Variants in SPECC1L observed in about 807,000 individuals in gnomAD.
The protein encoded by SPECC1L is sperm antigen with calponin homology and coiled-coil domains 1 like.
SPECC1L carries 40 observed loss-of-function variants against 116.8 expected under a neutral mutation model. The observed-to-expected ratio is 0.34, with a 90% CI of 0.27 to 0.45. The LOEUF is 0.45. Among genes scored for constraint, SPECC1L ranks in the 20% least tolerant of loss-of-function variants. SPECC1L has a pLI of 1.00. For synonymous variants in SPECC1L, 504 were observed against 500.6 expected (o/e 1.01, Z -0.09); for missense variants, 1,110 against 1,373.6 (o/e 0.81, Z 3.03).
chr22:24,398,230 G>A (rs913360488), intron 14 of SPECC1L, among the ~76,000 whole-genome samples: 8 of 152,240 alleles, frequency 5.3e-5, no homozygotes, highest in East Asian at 3.8e-4. Context: ...AAAGAGCAGG[G>A]ATCGGGGGAG....
chr22:24,359,586 C>T (rs2041602961), intron 11 of SPECC1L, among the ~76,000 whole-genome samples: 2 of 152,030 alleles, frequency 1.3e-5, no homozygotes, highest in Non-Finnish European at 2.9e-5. Context: ...CCTTTGCCAA[C>T]TAGATAAAGT....
chr22:24,378,622 G>A (rs907344922), intron 14 of SPECC1L, among the ~76,000 whole-genome samples: 1 of 152,176 alleles, frequency 6.6e-6, no homozygotes, highest in Non-Finnish European at 1.5e-5. Context: ...AGAGGCCATT[G>A]TAGGGTTATT....
intron 2 of SPECC1L, among the ~76,000 whole-genome samples, chr22:24,281,250 C>T (rs1402531217): frequency 3.3e-5 from 5 of 152,040 alleles, no homozygotes; most frequent in Non-Finnish European, 7.4e-5. Context: ...AGTGAAATAC[C>T]AAGTGATGTA....
chr22:24,296,022 G>T (rs2049255182), intron 2 of SPECC1L, among the ~76,000 whole-genome samples: 6 of 152,220 alleles, frequency 3.9e-5, no homozygotes, highest in Non-Finnish European at 1.5e-5. Context: ...AGGTTGAGCT[G>T]TGTAGTTTTA....
At chr22:24,288,729 G>A (rs188859675) in intron 2 of SPECC1L, among the ~76,000 whole-genome samples, 186 of 141,950 alleles carry the variant, frequency 1.3e-3, no homozygotes, top group African/African-American at 4.0e-3. Flanking sequence ...GGGTTCAAGC[G>A]ATTCTCCTGC....
rs977240187 is a variant in SPECC1L, at chr22:24,311,037, G to C, written c.154-2276G>C. Among the ~76,000 whole-genome samples the C allele has an allele frequency of 2.6e-5, 4 of 152,218 alleles. No homozygotes were observed. In the East Asian group the frequency reaches 7.7e-4, roughly 29 times the overall value. On this transcript the variant is annotated intron_variant, in intron 3 of 16. Transcript: ENST00000314328. ...CTGGAAAACTCTTGTTTTCTCCCTT[G>C]CTGCCTTGGTTATAAATCAAGTGTC...
intron 4 of SPECC1L, among the ~76,000 whole-genome samples, chr22:24,317,138 AC>A (rs1210216971): frequency 1.4e-5 from 1 of 73,158 alleles, no homozygotes; most frequent in Non-Finnish European, 2.8e-5. Context: ...CGGGGGGCTG[AC>A]CCCCCTACCT....
chr22:24,302,259 T>G lies in SPECC1L; in HGVS notation c.28T>G (p.Ser10Ala). The change falls in exon 3 of 17, where the codon TCA becomes GCA. Residue 10 changes from serine (S) to alanine (A), a missense_variant. By Grantham distance (99) the Ser-to-Ala change is moderately conservative. Around this residue, in one of 4 missense-constraint regions of SPECC1L, gnomAD observed 437 missense variants for 482.6 expected, o/e 0.91. Coordinates refer to ENST00000314328, the MANE Select transcript of SPECC1L (RefSeq NM_015330.6). ...GAAGAAAGCAAGCAGGAGTGTTGGCTCAGTGCCTAAAGTGTCTGCAATAAG... is the reference window on the plus strand; with the variant it reads ...GAAGAAAGCAAGCAGGAGTGTTGGCGCAGTGCCTAAAGTGTCTGCAATAAG... MKKASRSVG[S>A]VPKVSAISKT... 6.2e-7 allele frequency: 1 copy of G among 1,614,082 alleles called. No homozygotes were observed. Among genetic ancestry groups the G allele is most frequent in the Non-Finnish European group, 8.5e-7 (1 of 1,180,016 alleles).
At chr22:24,382,173 A>G (rs1292971902) in intron 14 of SPECC1L, among the ~76,000 whole-genome samples, 1 of 152,238 alleles carries the variant, frequency 6.6e-6, no homozygotes, top group African/African-American at 2.4e-5. Context: ...AAGGCAGCCA[A>G]GTCAAATTTG....
intron 11 of SPECC1L, among the ~76,000 whole-genome samples, chr22:24,351,446 T>G (rs182619681): frequency 3.9e-5 from 6 of 152,324 alleles, no homozygotes; most frequent in Non-Finnish European, 8.8e-5. Flanking sequence ...CTGGCTCTTA[T>G]TTTATCATCT....
intron 1 of SPECC1L, among the ~76,000 whole-genome samples, chr22:24,274,066 T>C (rs2048784511): frequency 6.6e-6 from 1 of 152,176 alleles, no homozygotes; most frequent in Admixed American, 6.5e-5. Flanking sequence ...CCCCAGGAGA[T>C]TTTTTTGTGT....
chr22:24,294,703 C>A (rs143714488), intron 2 of SPECC1L, among the ~76,000 whole-genome samples: 6,055 of 151,878 alleles, frequency 0.04, 399 homozygotes, highest in African/African-American at 0.14. Flanking sequence ...TTTATATGCC[C>A]ATATATTTGA....
At chr22:24,386,898 C>G (rs1416400167) in intron 14 of SPECC1L, among the ~76,000 whole-genome samples, 2 of 152,170 alleles carry the variant, frequency 1.3e-5, no homozygotes, top group African/African-American at 4.8e-5. Flanking sequence ...GCCACTGCAC[C>G]TGGCCCTCAG....
At chr22:24,393,934 G>A (rs1324743327) in intron 14 of SPECC1L, among the ~76,000 whole-genome samples, 1 of 152,158 alleles carries the variant, frequency 6.6e-6, no homozygotes, top group African/African-American at 2.4e-5. Context: ...TAGAATCATA[G>A]TGTGTACAAT....
intron 11 of SPECC1L, among the ~76,000 whole-genome samples, chr22:24,347,674 C>T (rs1022189075): frequency 6.6e-6 from 1 of 151,940 alleles, no homozygotes; most frequent in Non-Finnish European, 1.5e-5. Flanking sequence ...TTGCTGTTTT[C>T]ACACAGCCAT....
chr22:24,274,546 A>G (rs1213896770), intron 1 of SPECC1L, among the ~76,000 whole-genome samples: 1 of 152,176 alleles, frequency 6.6e-6, no homozygotes, highest in South Asian at 2.1e-4. Context: ...TGAGTTCTCT[A>G]TTTTCAAAGA....
chr22:24,283,048 G>A (rs1569402507), intron 2 of SPECC1L, among the ~76,000 whole-genome samples: 1 of 151,464 alleles, frequency 6.6e-6, no homozygotes, highest in Non-Finnish European at 1.5e-5. Context: ...AAAGTGCTGG[G>A]ATTACAGGCG....
At chr22:24,283,412 G>C (rs1478168231) in intron 2 of SPECC1L, among the ~76,000 whole-genome samples, 1 of 152,184 alleles carries the variant, frequency 6.6e-6, no homozygotes, top group African/African-American at 2.4e-5. Flanking sequence ...AACTAACCTT[G>C]CATTTGTGGG....
At chr22:24,307,083 G>A (rs1234698312) in intron 3 of SPECC1L, among the ~76,000 whole-genome samples, 4 of 152,076 alleles carry the variant, frequency 2.6e-5, no homozygotes, top group African/African-American at 9.7e-5. Flanking sequence ...TCCACCTTTT[G>A]GCTACTGTGG....
Sources: allele counts gnomAD v4.1 joint callset (sites outside exome capture counted in the v4.1 genomes callset), GRCh38; gene constraint gnomAD v4.1.1; regional missense constraint gnomAD v4.1.1; transcripts MANE v1.5; gene names NCBI Gene and HGNC (gene_info 2026-07-23, HGNC 2026-07-21).